TJP1: variants seen among roughly 807,000 people sequenced by gnomAD.
TJP1 encodes the protein tight junction protein 1, also known as tight junction protein ZO-1.
In TJP1, 43 loss-of-function variants were observed where a neutral mutation model predicts 194.2. The ratio of observed to expected loss-of-function variants is 0.22; its 90% confidence interval spans 0.17 to 0.29. The LOEUF (loss-of-function observed/expected upper bound fraction) is 0.29. TJP1 is among the 10% of genes least tolerant of loss of function. TJP1 has a pLI of 1.00. For missense variants in TJP1, 1,971 were observed against 2,185.7 expected, an observed-to-expected ratio of 0.90 and a Z score of 1.96; for synonymous variants, 801 against 779.0, an observed-to-expected ratio of 1.03 and a Z score of -0.47.
At chr15:29,791,691 CCT>C (rs1405670331) in intron 2 of TJP1, among the ~76,000 whole-genome samples, 2 of 152,078 alleles carry the variant, frequency 1.3e-5, no homozygotes, top group African/African-American at 4.8e-5. Context: ...CCATGCCCGG[CCT>C]CCATGCTATT....
At chr15:29,702,457 A>T (rs2041610319) in intron 27 of TJP1, among the ~76,000 whole-genome samples, 2 of 152,196 alleles carry the variant, frequency 1.3e-5, no homozygotes, top group Admixed American at 1.3e-4. Context: ...GCAAGCTGAG[A>T]GTCACAGCTG....
chr15:29,968,859 C>T (rs776342828), exon 1 of TJP1: 2 of 590,390 alleles, frequency 3.4e-6, no homozygotes, highest in South Asian at 4.2e-5. Flanking sequence ...CTGGGCCATC[C>T]GCCGCCACCA....
At chr15:29,961,687 C>T (rs963173734) in intron 1 of TJP1, among the ~76,000 whole-genome samples, 10 of 152,148 alleles carry the variant, frequency 6.6e-5, no homozygotes, top group Non-Finnish European at 1.5e-4. Flanking sequence ...CAGGCCTGGC[C>T]CCTGGAGGCA....
intron 11 of TJP1, 78 bp downstream of exon 11, chr15:29,737,186 T>G: frequency 1.3e-6 from 2 of 1,526,626 alleles, no homozygotes; most frequent in Non-Finnish European, 8.9e-7. Context: ...CTAATTACAA[T>G]AGTAAGCTTG....
At chr15:29,839,521 T>C (rs1046241076) in intron 2 of TJP1, among the ~76,000 whole-genome samples, 4 of 152,132 alleles carry the variant, frequency 2.6e-5, no homozygotes, top group Non-Finnish European at 4.4e-5. Flanking sequence ...GGTGTGCACC[T>C]GTAGTCCCAG....
At position 29,777,479 on chromosome 15, in the gene TJP1, G is replaced by C. The variant is rs143756884; in HGVS notation, c.85-4122C>G. ...ATTAAGAACTACTTAAACATGAAGG[G>C]AGAAAAATAAATAAATAAATAAAAC... On this transcript the variant is annotated intron_variant, in intron 2 of 27. Coordinates refer to ENST00000614355, the MANE Select transcript of TJP1 (RefSeq NM_001330239.4). Among the ~76,000 whole-genome samples the C allele has an allele frequency of 2.4e-4, 37 of 151,904 alleles. No homozygotes were observed. In the East Asian group the frequency reaches 3.5e-3, roughly 14 times the overall value.
At chr15:29,740,901 G>A (rs2044369429) in intron 10 of TJP1, 1 of 156,006 alleles carries the variant, frequency 6.4e-6, no homozygotes, top group Non-Finnish European at 1.4e-5. Context: ...CTGGCATCTA[G>A]TGGCCAGGAT....
chr15:29,841,320 T>C (rs1017351515), intron 2 of TJP1, among the ~76,000 whole-genome samples: 1 of 152,204 alleles, frequency 6.6e-6, no homozygotes, highest in Non-Finnish European at 1.5e-5. Context: ...GGGGAAAATA[T>C]TTCAGCAAAA....
At chr15:29,801,961 G>A (rs937950366) in intron 1 of TJP1, among the ~76,000 whole-genome samples, 4 of 152,106 alleles carry the variant, frequency 2.6e-5, no homozygotes, top group Middle Eastern at 3.4e-3. Flanking sequence ...GGCCGCATGC[G>A]ACCTGTGAAC....
chr15:29,960,124 T>A (rs2056101148), intron 1 of TJP1, among the ~76,000 whole-genome samples: 1 of 152,216 alleles, frequency 6.6e-6, no homozygotes, highest in South Asian at 2.1e-4. Context: ...CGTAAGTTTT[T>A]CTCTCATCTG....
At chr15:29,942,466 A>C (rs2055114133) in intron 2 of TJP1, among the ~76,000 whole-genome samples, 1 of 152,254 alleles carries the variant, frequency 6.6e-6, no homozygotes, top group African/African-American at 2.4e-5. Context: ...GAAATATCTG[A>C]ACATTCACAG....
intron 18 of TJP1, among the ~76,000 whole-genome samples, chr15:29,722,401 T>A (rs1022306840): frequency 1.3e-5 from 2 of 152,226 alleles, no homozygotes; most frequent in Admixed American, 1.3e-4. Flanking sequence ...CTCAGGCTGT[T>A]GCTTCAGAGG....
intron 1 of TJP1, among the ~76,000 whole-genome samples, chr15:29,820,850 T>C (rs546439066): frequency 2.0e-5 from 3 of 152,322 alleles, no homozygotes; most frequent in Admixed American, 6.5e-5. Flanking sequence ...ACTATATCCC[T>C]TAAAACAATC....
intron 15 of TJP1, chr15:29,731,120 A>T: frequency 1.6e-6 from 1 of 637,796 alleles, no homozygotes. Context: ...TCGCACACAG[A>T]ACACTTCATT....
At chr15:29,710,143 CAA>C (rs2042149438) in intron 24 of TJP1, among the ~76,000 whole-genome samples, 1 of 146,816 alleles carries the variant, frequency 6.8e-6, no homozygotes, top group African/African-American at 2.5e-5. Context: ...GGCTTCGTCT[CAA>C]AAAGAGGAAA....
At chr15:29,890,053 CCT>C (rs1345940512) in intron 2 of TJP1, among the ~76,000 whole-genome samples, 3 of 152,130 alleles carry the variant, frequency 2.0e-5, no homozygotes, top group East Asian at 1.9e-4. Flanking sequence ...CTCTTCCACC[CCT>C]CTCTTCAGAT....
At chr15:29,889,865 C>T (rs115147613) in intron 2 of TJP1, among the ~76,000 whole-genome samples, 157 of 152,300 alleles carry the variant, frequency 1.0e-3, no homozygotes, top group African/African-American at 3.6e-3. Context: ...ACTTAGTAAA[C>T]GACTAAGTCT....
intron 2 of TJP1, among the ~76,000 whole-genome samples, chr15:29,792,071 G>A (rs1319662181): frequency 6.6e-6 from 1 of 152,028 alleles, no homozygotes. Flanking sequence ...TCATTCTGTG[G>A]GTTGTTTCTT....
At chr15:29,842,585 C>G (rs1208161586) in intron 2 of TJP1, among the ~76,000 whole-genome samples, 1 of 152,104 alleles carries the variant, frequency 6.6e-6, no homozygotes, top group Non-Finnish European at 1.5e-5. Flanking sequence ...CATGGGGAGA[C>G]CATGCAAACT....
Sources: allele counts gnomAD v4.1 joint callset (sites outside exome capture counted in the v4.1 genomes callset), GRCh38; gene constraint gnomAD v4.1.1; transcripts MANE v1.5; gene names NCBI Gene and HGNC (gene_info 2026-07-23, HGNC 2026-07-21).